NMU: variants seen among roughly 807,000 people sequenced by gnomAD.
The protein encoded by NMU is neuromedin U.
Under a neutral mutation model 35.4 loss-of-function variants are expected in NMU, and 29 were observed. The observed-to-expected ratio is 0.82, with a 90% CI of 0.61 to 1.12. The LOEUF is 1.12. Ranked by LOEUF, NMU falls within the 50% of genes most tolerant of loss-of-function variation. The pLI is 0.00. For missense variants in NMU, 199 were observed against 206.2 expected, an observed-to-expected ratio of 0.97 and a Z score of 0.21; for synonymous variants, 78 against 81.3, an observed-to-expected ratio of 0.96 and a Z score of 0.22.
intron 1 of NMU, among the ~76,000 whole-genome samples, chr4:55,633,263 T>G (rs769837207): frequency 4.0e-5 from 6 of 151,092 alleles, no homozygotes; most frequent in Non-Finnish European, 7.4e-5. Context: ...AGGCGGAGCT[T>G]GCAGTGAGCC....
intron 3 of NMU, among the ~76,000 whole-genome samples, chr4:55,612,648 G>A (rs1389283479): frequency 6.6e-6 from 1 of 152,114 alleles, no homozygotes; most frequent in Non-Finnish European, 1.5e-5. Context: ...TTTCTTCTTA[G>A]AAAACAGTTT....
At chr4:55,611,569 A>T (rs1165799562) in intron 3 of NMU, among the ~76,000 whole-genome samples, 1 of 152,188 alleles carries the variant, frequency 6.6e-6, no homozygotes, top group Non-Finnish European at 1.5e-5. Context: ...AGCAACTTCC[A>T]GTCTTTCAAG....
chr4:55,603,146 G>A (rs978644229), intron 7 of NMU, among the ~76,000 whole-genome samples: 3 of 151,764 alleles, frequency 2.0e-5, no homozygotes, highest in South Asian at 2.1e-4. Context: ...TACAGGTGCC[G>A]CCACCATGCC....
At chr4:55,607,168 T>C in intron 6 of NMU, 130 bp downstream of exon 6, 1 of 645,590 alleles carries the variant, frequency 1.5e-6, no homozygotes, top group East Asian at 2.8e-5. Flanking sequence ...TTGAATTTCA[T>C]TCCTTTACTC....
chr4:55,605,341 A>C lies in NMU; in HGVS notation c.369T>G (p.Val123=). The C allele has an allele frequency of 6.2e-7, 1 of 1,612,946 alleles. No homozygotes were observed. The highest frequency in any genetic ancestry group is 8.5e-7 in the Non-Finnish European group (1 of 1,178,882). ...KLGKSNVVSS[V]VHPLLQLVPH... is the part of the protein sequence containing the mutation. ...GAACGAGCTGCAGCAACGGATGCAC[A>C]ACTGACGACTGAGAGGACATGAACA... Residue 123 remains valine, a synonymous_variant, in exon 7 of 10, where the codon GTT becomes GTG. Coordinates refer to ENST00000264218, the MANE Select transcript of NMU (RefSeq NM_006681.4).
At chr4:55,628,310 T>G (rs1209974863) in intron 2 of NMU, among the ~76,000 whole-genome samples, 6 of 152,158 alleles carry the variant, frequency 3.9e-5, no homozygotes, top group African/African-American at 1.4e-4. Flanking sequence ...TTAAAACTTT[T>G]TTTATATCTC....
intron 4 of NMU, among the ~76,000 whole-genome samples, chr4:55,608,188 A>AAG (rs1384789612): frequency 6.6e-6 from 1 of 151,426 alleles, no homozygotes; most frequent in Admixed American, 6.6e-5. Context: ...AAAAAAAAAA[A>AAG]AAAAAATTTA....
chr4:55,618,381 C>A (rs976021305), intron 2 of NMU, among the ~76,000 whole-genome samples: 2 of 152,028 alleles, frequency 1.3e-5, no homozygotes, highest in South Asian at 2.1e-4. Context: ...CCCCCCAACA[C>A]CCCCGACAGG....
At chr4:55,611,260 G>T (rs990517239) in intron 3 of NMU, among the ~76,000 whole-genome samples, 142 of 152,268 alleles carry the variant, frequency 9.3e-4, no homozygotes, top group African/African-American at 3.2e-3. Flanking sequence ...CTACTCAGGA[G>T]GCTGAAATGG....
At chr4:55,630,959 A>G (rs1734730369) in intron 1 of NMU, among the ~76,000 whole-genome samples, 1 of 152,240 alleles carries the variant, frequency 6.6e-6, no homozygotes, top group Admixed American at 6.5e-5. Flanking sequence ...CCAAAACAGT[A>G]TGGTACTGGT....
chr4:55,605,416 T>G lies in NMU; in HGVS notation c.361-67A>C, dbSNP rs1733640836. ...CTCAGCAGTGGCCATCAAGACGGTTTCCTATTTGTTTTTGTTTTTACCCAC... is the reference window on the plus strand; with the variant it reads ...CTCAGCAGTGGCCATCAAGACGGTTGCCTATTTGTTTTTGTTTTTACCCAC... On this transcript the variant is annotated intron_variant, in intron 6 of 9. Coordinates refer to ENST00000264218, the MANE Select transcript of NMU (RefSeq NM_006681.4). The G allele has an allele frequency of 6.0e-6, 7 of 1,164,666 alleles. No homozygotes were observed. In the South Asian group the frequency reaches 8.5e-5, roughly 14 times the overall value. The allele number at this position is 1,164,666 out of a possible 1,614,324, so 72.1% of individuals were successfully genotyped here.
At chr4:55,615,927 T>A (rs1734095855) in intron 3 of NMU, among the ~76,000 whole-genome samples, 1 of 152,128 alleles carries the variant, frequency 6.6e-6, no homozygotes, top group African/African-American at 2.4e-5. Flanking sequence ...TTTTTATTAT[T>A]TGGTGGAGAC....
At chr4:55,618,396 G>A (rs1031920608) in intron 2 of NMU, among the ~76,000 whole-genome samples, 10 of 151,734 alleles carry the variant, frequency 6.6e-5, no homozygotes, top group Non-Finnish European at 8.8e-5. Flanking sequence ...GACAGGCTCC[G>A]GTGTGTGATG....
intron 9 of NMU, 119 bp downstream of exon 9, chr4:55,599,023 A>G: frequency 1.5e-6 from 1 of 681,890 alleles, no homozygotes; most frequent in East Asian, 2.8e-5. Context: ...AATAATAGAA[A>G]TACATTTAAC....
chr4:55,598,089 G>GTTTTTTTTTTTTTTTTTTTTTTTTT (rs10588154), intron 9 of NMU, among the ~76,000 whole-genome samples: 1 of 85,394 alleles, frequency 1.2e-5, no homozygotes, highest in Non-Finnish European at 2.2e-5. Flanking sequence ...TTTGGTTGTG[G>GTTTTTTTTTTTTTTTTTTTTTTTTT]TTTTTTTTTT....
At chr4:55,633,135 T>C (rs748393982) in intron 1 of NMU, among the ~76,000 whole-genome samples, 53 of 151,996 alleles carry the variant, frequency 3.5e-4, no homozygotes, top group Middle Eastern at 3.4e-3. Flanking sequence ...CGATCCTGGC[T>C]AACATGGTGA....
chr4:55,605,213 A>C, intron 7 of NMU, 62 bp downstream of exon 7: 3 of 1,095,358 alleles, frequency 2.7e-6, no homozygotes, highest in Non-Finnish European at 2.8e-6. Flanking sequence ...ACAGCTGGGA[A>C]TTAACAGAAA....
intron 6 of NMU, among the ~76,000 whole-genome samples, chr4:55,605,857 G>A (rs1234483424): frequency 6.6e-6 from 1 of 152,174 alleles, no homozygotes; most frequent in Non-Finnish European, 1.5e-5. Flanking sequence ...GTGTGAAAAT[G>A]ACAATGTGTT....
At position 55,633,959 on chromosome 4, in the gene NMU, T is replaced by G. The variant is rs546945748; in HGVS notation, c.112+2122A>C. ...CTTTATTTTACTAGTGTTCTCTGAA[T>G]AGTAAATTGTTTCCACCCACTGAAT... On this transcript the variant is annotated intron_variant, in intron 1 of 9. Transcript: ENST00000264218. 7.2e-5 allele frequency among the ~76,000 whole-genome samples: 11 copies of G among 152,380 alleles called. No individual in the cohort carries two copies. In the East Asian group the frequency reaches 1.9e-3, roughly 27 times the overall value.
Sources: gnomAD v4.1 joint callset for allele counts (sites outside exome capture counted in the v4.1 genomes callset) on GRCh38, gnomAD v4.1.1 for gene constraint, MANE v1.5 for transcripts, NCBI Gene and HGNC (gene_info 2026-07-23, HGNC 2026-07-21) for gene names.